The following TUBGCP3 variants were observed in gnomAD, a reference collection of about 807,000 sequenced individuals.
TUBGCP3 encodes the protein tubulin gamma complex component 3.
Under a neutral mutation model 123.1 loss-of-function variants are expected in TUBGCP3, and 50 were observed. The ratio of observed to expected loss-of-function variants is 0.41; its 90% CI spans 0.32 to 0.51. The LOEUF is 0.51. TUBGCP3 is among the 20% of genes least tolerant of loss of function. The probability of loss-of-function intolerance (pLI) is 0.36; values close to 1 mark genes in which losing one functional copy is unlikely to be tolerated. For missense variants in TUBGCP3, 882 were observed against 1,127.0 expected, an observed-to-expected ratio of 0.78 and a Z score of 3.11; for synonymous variants, 405 against 413.9, an observed-to-expected ratio of 0.98 and a Z score of 0.26.
chr13:112,501,469 T>C (rs1449833948), intron 19 of TUBGCP3, among the ~76,000 whole-genome samples: 3 of 152,170 alleles, frequency 2.0e-5, no homozygotes, highest in Non-Finnish European at 4.4e-5. Context: ...ACATCAGTGG[T>C]ACCAATTCAC....
At chr13:112,582,912 C>T (rs892845174) in intron 1 of TUBGCP3, among the ~76,000 whole-genome samples, 7 of 152,160 alleles carry the variant, frequency 4.6e-5, no homozygotes, top group African/African-American at 1.7e-4. Context: ...AACACAAGAG[C>T]GGATAGAGGT....
chr13:112,586,240 CAA>C (rs200394126), intron 1 of TUBGCP3, among the ~76,000 whole-genome samples: 3 of 113,764 alleles, frequency 2.6e-5, no homozygotes, highest in Admixed American at 1.8e-4. Context: ...GACTCTGTCT[CAA>C]AAAAAAAAAA....
chr13:112,500,704 A>G lies in TUBGCP3; in HGVS notation c.2308-1519T>C, dbSNP rs151187019. On this transcript the variant is annotated intron_variant, in intron 19 of 21. Transcript: ENST00000261965. ...GCCTGTGGTTGGGAAGACACAATAC[A>G]GTTGATTTGGGGAGAAACTAAGATG... Among the ~76,000 whole-genome samples the G allele has an allele frequency of 5.8e-3, 890 of 152,354 alleles. 9 individuals are homozygous for G. Among genetic ancestry groups the G allele is most frequent in the African/African-American group, 0.021 (853 of 41,578 alleles).
At chr13:112,565,934 CAAAA>C (rs201734900) in intron 2 of TUBGCP3, among the ~76,000 whole-genome samples, 2 of 111,406 alleles carry the variant, frequency 1.8e-5, no homozygotes, top group Non-Finnish European at 2.0e-5. Flanking sequence ...GACTCTGTCT[CAAAA>C]AAAAAAAAAA....
intron 16 of TUBGCP3, among the ~76,000 whole-genome samples, chr13:112,516,792 T>A (rs1023844324): frequency 6.6e-6 from 1 of 152,054 alleles, no homozygotes; most frequent in Admixed American, 6.5e-5. Flanking sequence ...TTTATTAGGA[T>A]TTTCAATCCA....
Position 112,547,606 on chromosome 13 carries a change from G to A in TUBGCP3, c.1168+14C>T. 6.7e-7 allele frequency: 1 copy of A among 1,489,636 alleles called. No homozygotes were observed. The highest frequency in any genetic ancestry group is 9.0e-7 in the Non-Finnish European group (1 of 1,112,702). 92.3% of individuals were successfully genotyped at this position (1,489,636 alleles called of 1,614,324 possible). The stretch of plus-strand genomic sequence containing the variant: ...GCGTGGGAAAGACGTGCGTGGGAAA[G>A]ACGCGCGTGGGACCTTGGCAGTGGT... On this transcript the variant is annotated intron_variant, in intron 10 of 21. Transcript: ENST00000261965.
chr13:112,558,481 G>T, intron 4 of TUBGCP3, 68 bp from the exon 5 acceptor site: 3 of 1,329,806 alleles, frequency 2.3e-6, no homozygotes, highest in Non-Finnish European at 3.0e-6. Flanking sequence ...ACCTAAAAAG[G>T]TCATTTATAT....
the TUBGCP3 span, chr13:112,604,580 G>C: frequency 6.6e-6 from 1 of 152,196 alleles, no homozygotes; most frequent in South Asian, 2.1e-4. Flanking sequence ...TTACAGAAGT[G>C]AGCTACCATG....
At chr13:112,598,998 C>A in the TUBGCP3 span, among the ~76,000 whole-genome samples, 34 of 124,784 alleles carry the variant, frequency 2.7e-4, no homozygotes, top group African/African-American at 5.4e-4. Flanking sequence ...TCTATAAATA[C>A]AAAAAAAAAA....
chr13:112,565,283 G>C, intron 2 of TUBGCP3, 105 bp from the exon 3 acceptor site: 2 of 975,356 alleles, frequency 2.1e-6, no homozygotes, highest in South Asian at 3.0e-5. Flanking sequence ...GATGAATTCA[G>C]AGTCAAAAGT....
chr13:112,540,889 GAAT>G (rs1878466446), intron 11 of TUBGCP3, among the ~76,000 whole-genome samples: 1 of 152,186 alleles, frequency 6.6e-6, no homozygotes, highest in East Asian at 1.9e-4. Context: ...ATGCTGATTT[GAAT>G]ATTATACTCA....
intron 19 of TUBGCP3, among the ~76,000 whole-genome samples, chr13:112,503,489 C>G (rs571376933): frequency 1.3e-5 from 2 of 152,054 alleles, no homozygotes; most frequent in Admixed American, 1.3e-4. Context: ...CCTGTCTCTG[C>G]CTCCCAAGTA....
chr13:112,572,796 T>C (rs763351306), intron 1 of TUBGCP3, among the ~76,000 whole-genome samples: 2 of 152,208 alleles, frequency 1.3e-5, no homozygotes, highest in Non-Finnish European at 2.9e-5. Context: ...TGAAAAAGTC[T>C]GAAATACTGT....
Position 112,488,638 on chromosome 13 carries a change from G to A in TUBGCP3, c.2565+943C>T, listed in dbSNP as rs1452725329. Among the ~76,000 whole-genome samples, 4 of 150,462 alleles carry A rather than the reference G, an allele frequency of 2.7e-5. No individual in the cohort carries two copies. The South Asian group carries it at 6.2e-4, about 23-fold the overall frequency. The stretch of plus-strand genomic sequence containing the variant: ...CCCACACCCACCACAGGGGAGCACA[G>A]GGGTCACCCCCAGGTCCCCACATCC... On this transcript the variant is annotated intron_variant, in intron 21 of 21. Transcript: ENST00000261965.
intron 11 of TUBGCP3, among the ~76,000 whole-genome samples, chr13:112,537,145 TTTTA>T (rs1488971378): frequency 2.0e-5 from 3 of 146,504 alleles, no homozygotes; most frequent in Non-Finnish European, 4.5e-5. Flanking sequence ...TTTTTTTTTT[TTTTA>T]AAAAAAAAAA....
chr13:112,601,480 C>T, the TUBGCP3 span, among the ~76,000 whole-genome samples: 2 of 152,194 alleles, frequency 1.3e-5, no homozygotes, highest in African/African-American at 2.4e-5. Context: ...CAGTTCCCCG[C>T]GGCTCTGGCC....
At chr13:112,580,317 A>C (rs1882195705) in intron 1 of TUBGCP3, among the ~76,000 whole-genome samples, 1 of 152,174 alleles carries the variant, frequency 6.6e-6, no homozygotes, top group African/African-American at 2.4e-5. Context: ...ATTATGAAGA[A>C]AAAATAGTAA....
At chr13:112,535,548 A>C (rs953022494) in intron 11 of TUBGCP3, among the ~76,000 whole-genome samples, 4 of 152,212 alleles carry the variant, frequency 2.6e-5, no homozygotes, top group Non-Finnish European at 4.4e-5. Context: ...CTATAATAAT[A>C]ATCTTTTCCT....
At chr13:112,575,146 T>TG (rs761629992) in intron 1 of TUBGCP3, among the ~76,000 whole-genome samples, 30 of 151,836 alleles carry the variant, frequency 2.0e-4, no homozygotes, top group Non-Finnish European at 4.0e-4. Flanking sequence ...GGAACCAGAG[T>TG]GAGGGCAGCA....
Sources: gnomAD v4.1 joint callset for allele counts (sites outside exome capture counted in the v4.1 genomes callset) on GRCh38, gnomAD v4.1.1 for gene constraint, MANE v1.5 for transcripts, NCBI Gene and HGNC (gene_info 2026-07-23, HGNC 2026-07-21) for gene names.